The following CSMD1 variants were observed in gnomAD, a reference collection of about 807,000 sequenced individuals.
CSMD1 encodes the protein CUB and sushi domain-containing protein 1.
In CSMD1, 213 loss-of-function variants were observed where a neutral mutation model predicts 417.5. The ratio of observed to expected loss-of-function variants is 0.51; its 90% CI spans 0.46 to 0.57. The LOEUF is 0.57. Among genes scored for constraint, CSMD1 ranks in the 20% least tolerant of loss-of-function variants. The pLI is 0.00. For missense variants in CSMD1, 6,923 were observed against 4,529.7 expected (o/e 1.53, Z -15.17); for synonymous variants, 2,862 against 1,736.8 (o/e 1.65, Z -16.11).
At chr8:4,042,798 G>A (rs1308805445) in intron 3 of CSMD1, among the ~76,000 whole-genome samples, 2 of 86,416 alleles carry the variant, frequency 2.3e-5, no homozygotes, top group South Asian at 4.4e-4. Context: ...TACAATAGGT[G>A]AAGTGGTACA....
Position 3,817,069 on chromosome 8 carries a change from T to C in CSMD1, c.819-63027A>G, listed in dbSNP as rs574024307. ...GAGAAAGAAACAGGGTGAAGGAAGA[T>C]AATCTGTTGAGATGAGGTCTCTGGG... On this transcript the variant is annotated intron_variant, in intron 5 of 69. Transcript: ENST00000635120. Among the ~76,000 whole-genome samples the C allele has an allele frequency of 2.6e-3, 395 of 151,996 alleles. 1 individual carries two copies. Among genetic ancestry groups the C allele is most frequent in the Non-Finnish European group, 4.1e-3 (276 of 67,968 alleles).
intron 5 of CSMD1, among the ~76,000 whole-genome samples, chr8:3,793,505 C>G (rs773445525): frequency 3.3e-5 from 5 of 150,416 alleles, no homozygotes; most frequent in Admixed American, 6.7e-5. Context: ...GTGCCCCCCT[C>G]TCTAGGTGGA....
At chr8:4,948,148 C>A (rs1415700162) in intron 1 of CSMD1, among the ~76,000 whole-genome samples, 1 of 151,940 alleles carries the variant, frequency 6.6e-6, no homozygotes, top group Non-Finnish European at 1.5e-5. Flanking sequence ...CATCATGGTA[C>A]AAAGTTTCCT....
intron 3 of CSMD1, among the ~76,000 whole-genome samples, chr8:4,165,552 C>T (rs1797410136): frequency 6.6e-6 from 1 of 152,128 alleles, no homozygotes; most frequent in African/African-American, 2.4e-5. Context: ...CTCCGGTGCA[C>T]CACCATGCCC....
chr8:3,849,817 G>GT (rs1401994165), intron 5 of CSMD1, among the ~76,000 whole-genome samples: 5 of 114,126 alleles, frequency 4.4e-5, no homozygotes, highest in African/African-American at 1.8e-4. Flanking sequence ...ATCTTTTTTT[G>GT]TTTGGTTTTT....
At chr8:3,966,732 G>C (rs55796852) in intron 5 of CSMD1, among the ~76,000 whole-genome samples, 3,816 of 149,124 alleles carry the variant, frequency 0.026, 70 homozygotes, top group Middle Eastern at 0.042. Flanking sequence ...CACACACACA[G>C]ACACACACAC....
At chr8:4,019,874 G>C (rs1168858034) in intron 4 of CSMD1, among the ~76,000 whole-genome samples, 24 of 148,630 alleles carry the variant, frequency 1.6e-4, no homozygotes, top group Non-Finnish European at 2.8e-4. Context: ...CCTCAAGTCA[G>C]TCTGCTAGTT....
chr8:4,036,447 G>C (rs371251166), intron 3 of CSMD1, among the ~76,000 whole-genome samples: 2 of 152,140 alleles, frequency 1.3e-5, no homozygotes, highest in African/African-American at 4.8e-5. Flanking sequence ...TAATGAATAT[G>C]AGTCTCCCCA....
At chr8:4,600,432 G>A (rs544847209) in intron 2 of CSMD1, among the ~76,000 whole-genome samples, 1 of 152,168 alleles carries the variant, frequency 6.6e-6, no homozygotes, top group Non-Finnish European at 1.5e-5. Context: ...CCTTATTTCA[G>A]AAATAAATTC....
chr8:4,162,983 C>G (rs1797256177), intron 3 of CSMD1, among the ~76,000 whole-genome samples: 1 of 152,148 alleles, frequency 6.6e-6, no homozygotes, highest in Non-Finnish European at 1.5e-5. Flanking sequence ...GTAGGAATCA[C>G]AAAGTGGGTA....
chr8:4,581,547 T>G (rs77990702), intron 2 of CSMD1, among the ~76,000 whole-genome samples: 4,968 of 152,306 alleles, frequency 0.033, 268 homozygotes, highest in African/African-American at 0.11. Flanking sequence ...AGATTCATTT[T>G]AGCCAGCATT....
chr8:3,087,237 T>A lies in CSMD1; in HGVS notation c.7334A>T (p.Asn2445Ile). 6.2e-7 allele frequency: 1 copy of A among 1,613,926 alleles called. No individual in the cohort carries two copies. Among genetic ancestry groups the A allele is most frequent in the Non-Finnish European group, 8.5e-7 (1 of 1,179,872 alleles). ...GCTTCCAACCGCTCCTGCAGTCCTG[T>A]TTAGAATACCCCCATTCTTCAGGGG... ...THPLKNGGILNRTAGAVGSKV... is the reference protein window; with the variant it reads ...THPLKNGGILIRTAGAVGSKV... The change falls in exon 49 of 70, where the codon AAC becomes ATC. Residue 2445 changes from asparagine (N) to isoleucine (I), a missense_variant. Asn to Ile is a moderately radical substitution (Grantham distance 149). Coordinates refer to ENST00000635120, the MANE Select transcript of CSMD1 (RefSeq NM_033225.6).
chr8:4,228,766 C>T (rs1182410082), intron 3 of CSMD1, among the ~76,000 whole-genome samples: 4 of 152,070 alleles, frequency 2.6e-5, no homozygotes, highest in African/African-American at 7.2e-5. Context: ...TCAATGCAAC[C>T]TCTGCCTCCT....
At chr8:4,468,174 C>T (rs919143600) in intron 2 of CSMD1, among the ~76,000 whole-genome samples, 2 of 152,158 alleles carry the variant, frequency 1.3e-5, no homozygotes, top group African/African-American at 4.8e-5. Flanking sequence ...GCTCTAACAG[C>T]ACTTGTCACG....
At chr8:3,154,092 G>T (rs752904863) in intron 39 of CSMD1, among the ~76,000 whole-genome samples, 1 of 152,086 alleles carries the variant, frequency 6.6e-6, no homozygotes, top group East Asian at 1.9e-4. Flanking sequence ...TCAGCCTCCC[G>T]AGTAGCTGGG....
At chr8:4,268,149 A>G (rs766121418) in intron 3 of CSMD1, among the ~76,000 whole-genome samples, 27 of 152,278 alleles carry the variant, frequency 1.8e-4, no homozygotes, top group South Asian at 6.2e-4. Context: ...CAAATCCAAA[A>G]TGTATTTTCA....
At chr8:4,628,846 T>A (rs1585356693) in intron 2 of CSMD1, among the ~76,000 whole-genome samples, 1 of 152,254 alleles carries the variant, frequency 6.6e-6, no homozygotes, top group South Asian at 2.1e-4. Flanking sequence ...CCCACCATCA[T>A]CTAGAAATTC....
At chr8:3,929,793 C>G (rs577174275) in intron 5 of CSMD1, among the ~76,000 whole-genome samples, 26 of 149,620 alleles carry the variant, frequency 1.7e-4, no homozygotes, top group Admixed American at 1.7e-3. Context: ...TCCTGAGTAG[C>G]TGGGACTACA....
intron 5 of CSMD1, among the ~76,000 whole-genome samples, chr8:3,963,632 T>A (rs1812476474): frequency 6.6e-6 from 1 of 152,240 alleles, no homozygotes; most frequent in Non-Finnish European, 1.5e-5. Flanking sequence ...GTATATTGTT[T>A]CATTTTTAAA....
Sources: gnomAD v4.1 joint callset for allele counts (sites outside exome capture counted in the v4.1 genomes callset) on GRCh38, gnomAD v4.1.1 for gene constraint, MANE v1.5 for transcripts, NCBI Gene and HGNC (gene_info 2026-07-23, HGNC 2026-07-21) for gene names.